LHFPL4: variants seen among roughly 807,000 people sequenced by gnomAD.
LHFPL4 encodes the protein LHFPL tetraspan subfamily member 4, also known as LHFPL tetraspan subfamily member 4 protein.
LHFPL4 carries 6 observed loss-of-function variants against 20.0 expected under a neutral mutation model. That is an observed-to-expected ratio of 0.30 (90% CI 0.16 to 0.59). The LOEUF (loss-of-function observed/expected upper bound fraction) is 0.59, where lower values mean the gene tolerates loss of function less well. Among genes scored for constraint, LHFPL4 ranks in the 20% least tolerant of loss-of-function variants. The probability of loss-of-function intolerance (pLI) is 0.88; values close to 1 mark genes in which losing one functional copy is unlikely to be tolerated. For synonymous variants in LHFPL4, 129 were observed against 143.8 expected (o/e 0.90, Z 0.74); for missense variants, 215 against 331.2 (o/e 0.65, Z 2.72).
In LHFPL4 at chr3:9,499,099, C is replaced by G. The variant is rs1307325474; in HGVS notation, c.*3112G>C. 6.5e-6 allele frequency: 1 copy of G among 153,462 alleles called. No individual in the cohort carries two copies. The highest frequency in any genetic ancestry group is 1.4e-5 in the Non-Finnish European group (1 of 69,140). The allele number at this position is 153,462 out of a possible 1,614,324, so 9.5% of individuals were successfully genotyped here. A position where few individuals can be genotyped will look rare whatever the true frequency, so the allele number is the denominator to read the frequency against. ...GGGGGTCACAGTTAGGGGGGGACTT[C>G]TCTTGGGACCTGAAGCCGGAAGGCT... On this transcript the variant is annotated 3_prime_UTR_variant, in exon 4 of 4. Coordinates refer to ENST00000287585, the MANE Select transcript of LHFPL4 (RefSeq NM_198560.3).
chr3:9,528,147 C>T (rs975821102), intron 2 of LHFPL4, among the ~76,000 whole-genome samples: 6 of 152,142 alleles, frequency 3.9e-5, no homozygotes, highest in African/African-American at 1.4e-4. Context: ...TTTGCCACAT[C>T]GATTGACTTT....
At chr3:9,547,696 CTTAG>C (rs1317177300) in intron 2 of LHFPL4, among the ~76,000 whole-genome samples, 2 of 152,212 alleles carry the variant, frequency 1.3e-5, no homozygotes, top group Non-Finnish European at 2.9e-5. Flanking sequence ...TGCCTCTCTA[CTTAG>C]TTAGCAGTTG....
At chr3:9,529,028 C>A (rs116479608) in intron 2 of LHFPL4, among the ~76,000 whole-genome samples, 2,782 of 142,266 alleles carry the variant, frequency 0.02, 93 homozygotes, top group African/African-American at 0.067. Context: ...GGAAAATCAC[C>A]AATGTTCTTT....
intron 2 of LHFPL4, among the ~76,000 whole-genome samples, chr3:9,537,423 A>T (rs2046450561): frequency 6.6e-6 from 1 of 152,096 alleles, no homozygotes; most frequent in East Asian, 1.9e-4. Context: ...GAGAGATGGA[A>T]CCCCATCACT....
In LHFPL4 at chr3:9,501,926, T is replaced by C; in HGVS notation, c.*285A>G. The C allele has an allele frequency of 2.3e-6, 1 of 430,480 alleles. No homozygotes were observed. Among genetic ancestry groups the C allele is most frequent in the Non-Finnish European group, 4.3e-6 (1 of 234,772 alleles). 26.7% of individuals were successfully genotyped at this position (430,480 alleles called of 1,614,324 possible). A position where few individuals can be genotyped will look rare whatever the true frequency, so the allele number is the denominator to read the frequency against. ...GGATCTGCAGGGACCTCCAGGCCAG[T>C]CTAGAGAGGAGAGGAGAAGCCCAAG... is the stretch of plus-strand genomic sequence containing the variant. On this transcript the variant is annotated 3_prime_UTR_variant, in exon 4 of 4. Coordinates refer to ENST00000287585, the MANE Select transcript of LHFPL4 (RefSeq NM_198560.3).
chr3:9,534,784 G>A (rs1046665123), intron 2 of LHFPL4, among the ~76,000 whole-genome samples: 2 of 152,130 alleles, frequency 1.3e-5, no homozygotes, highest in Non-Finnish European at 2.9e-5. Context: ...GTAACTTATA[G>A]AAATCATGGA....
At chr3:9,544,292 TA>T (rs75177679) in intron 2 of LHFPL4, among the ~76,000 whole-genome samples, 26,758 of 143,420 alleles carry the variant, frequency 0.19, 3,892 homozygotes, top group East Asian at 0.41. Flanking sequence ...CAATAAAAAT[TA>T]AAAAAAAAAA....
chr3:9,510,984 A>C (rs2046255722), intron 2 of LHFPL4, among the ~76,000 whole-genome samples: 1 of 151,770 alleles, frequency 6.6e-6, no homozygotes, highest in Admixed American at 6.6e-5. Flanking sequence ...ATAAATAAGC[A>C]GTGATGAGTG....
At chr3:9,529,120 C>T (rs927289128) in intron 2 of LHFPL4, among the ~76,000 whole-genome samples, 4 of 151,958 alleles carry the variant, frequency 2.6e-5, no homozygotes, top group Non-Finnish European at 5.9e-5. Context: ...CCTCTGCCTC[C>T]CAGGTTCAAG....
intron 2 of LHFPL4, among the ~76,000 whole-genome samples, chr3:9,540,528 C>G (rs2046470681): frequency 6.6e-6 from 1 of 152,094 alleles, no homozygotes; most frequent in Non-Finnish European, 1.5e-5. Flanking sequence ...GCCAGAACAA[C>G]CTTGAAAATG....
intron 2 of LHFPL4, among the ~76,000 whole-genome samples, chr3:9,537,807 G>A (rs759590562): frequency 7.2e-5 from 11 of 151,846 alleles, no homozygotes; most frequent in Non-Finnish European, 1.2e-4. Flanking sequence ...CCCTCCATAC[G>A]TTCTCCTTGG....
At chr3:9,525,953 A>G (rs2648598) in intron 2 of LHFPL4, among the ~76,000 whole-genome samples, 6,248 of 152,288 alleles carry the variant, frequency 0.041, 177 homozygotes, top group Non-Finnish European at 0.061. Flanking sequence ...TGACATATTG[A>G]GCAGGTAGAA....
At chr3:9,512,009 C>T (rs1400702058) in intron 2 of LHFPL4, among the ~76,000 whole-genome samples, 2 of 151,994 alleles carry the variant, frequency 1.3e-5, no homozygotes, top group African/African-American at 2.4e-5. Context: ...CTCGGCTCAC[C>T]GCAAGTTCCG....
chr3:9,512,167 G>A (rs1007984979), intron 2 of LHFPL4, among the ~76,000 whole-genome samples: 2 of 152,278 alleles, frequency 1.3e-5, no homozygotes, highest in South Asian at 2.1e-4. Context: ...TCCTGACCTC[G>A]TGATCCACCC....
chr3:9,545,682 C>A (rs1281651484), intron 2 of LHFPL4, among the ~76,000 whole-genome samples: 2 of 151,946 alleles, frequency 1.3e-5, no homozygotes, highest in African/African-American at 4.8e-5. Flanking sequence ...TGCCATTGCA[C>A]TCCAGCCTGG....
chr3:9,526,601 G>A (rs1341491002), intron 2 of LHFPL4, among the ~76,000 whole-genome samples: 2 of 152,156 alleles, frequency 1.3e-5, no homozygotes, highest in Non-Finnish European at 2.9e-5. Flanking sequence ...ATATGTTCAA[G>A]TCCTAATCCC....
chr3:9,542,793 C>A (rs2046485816), intron 2 of LHFPL4, among the ~76,000 whole-genome samples: 1 of 129,924 alleles, frequency 7.7e-6, no homozygotes. Flanking sequence ...GGTAACAGAG[C>A]AAGGCCCTAT....
chr3:9,502,012 C>T lies in LHFPL4; in HGVS notation c.*199G>A. 1.6e-6 allele frequency: 1 copy of T among 607,116 alleles called. No individual in the cohort carries two copies. Among genetic ancestry groups the T allele is most frequent in the South Asian group, 2.0e-5 (1 of 50,152 alleles). The allele number at this position is 607,116 out of a possible 1,614,324, so 37.6% of individuals were successfully genotyped here. A position where few individuals can be genotyped will look rare whatever the true frequency, so the allele number is the denominator to read the frequency against. On this transcript the variant is annotated 3_prime_UTR_variant, in exon 4 of 4. Coordinates refer to ENST00000287585, the MANE Select transcript of LHFPL4 (RefSeq NM_198560.3). ...GAGGGAGGAGCAAGAATTAGACCCT[C>T]CCAAGGTTTGGAGGGCCTCTCCTCT...
rs78212035 is a variant in LHFPL4, at chr3:9,499,818, C to T, written c.*2393G>A. Reference sequence around the variant, plus strand: ...GAACAAGCTCTCCCCTCACCCAGTGCCCAGATAGCAACCCCCTCCCCACTG... The same window carrying T: ...GAACAAGCTCTCCCCTCACCCAGTGTCCAGATAGCAACCCCCTCCCCACTG... On this transcript the variant is annotated 3_prime_UTR_variant, in exon 4 of 4. Transcript: ENST00000287585. The T allele has an allele frequency of 0.031, 4,735 of 152,404 alleles. 112 individuals are homozygous for T. The highest frequency in any genetic ancestry group is 0.05 in the Non-Finnish European group (3,402 of 68,242). The allele number at this position is 152,404 out of a possible 1,614,324, so 9.4% of individuals were successfully genotyped here.
Sources: gnomAD v4.1 joint callset for allele counts (sites outside exome capture counted in the v4.1 genomes callset) on GRCh38, gnomAD v4.1.1 for gene constraint, MANE v1.5 for transcripts, NCBI Gene and HGNC (gene_info 2026-07-23, HGNC 2026-07-21) for gene names.